The following RIMS2 variants were observed in gnomAD, a reference collection of about 807,000 sequenced individuals.
RIMS2 encodes regulating synaptic membrane exocytosis protein 2.
In RIMS2, 59 loss-of-function variants were observed where a neutral mutation model predicts 174.4. That is an observed-to-expected ratio of 0.34 (90% CI 0.27 to 0.42). The LOEUF is 0.42. RIMS2 is among the 10% of genes least tolerant of loss of function. The pLI is 1.00. For missense variants in RIMS2, 1,620 were observed against 1,666.3 expected (o/e 0.97, Z 0.48); for synonymous variants, 606 against 572.5 (o/e 1.06, Z -0.84).
chr8:103,935,581 A>G (rs2081059004), intron 12 of RIMS2, among the ~76,000 whole-genome samples: 1 of 152,158 alleles, frequency 6.6e-6, no homozygotes, highest in African/African-American at 2.4e-5. Context: ...AATTTGTAGC[A>G]GTTGATACTG....
At chr8:103,947,409 A>T (rs1305666862) in intron 14 of RIMS2, among the ~76,000 whole-genome samples, 1 of 152,224 alleles carries the variant, frequency 6.6e-6, no homozygotes, top group Non-Finnish European at 1.5e-5. Context: ...TGAACATCAT[A>T]GAGTGCACTT....
chr8:103,659,892 G>A (rs886579772), intron 1 of RIMS2, among the ~76,000 whole-genome samples: 1 of 152,224 alleles, frequency 6.6e-6, no homozygotes, highest in Non-Finnish European at 1.5e-5. Context: ...GAGTGCACAC[G>A]GTGTCTGTGG....
At chr8:103,883,883 A>G (rs2154519350) in intron 3 of RIMS2, among the ~76,000 whole-genome samples, 1 of 151,924 alleles carries the variant, frequency 6.6e-6, no homozygotes, top group South Asian at 2.1e-4. Context: ...AGATTTCCAT[A>G]GACTCCTGAC....
intron 1 of RIMS2, among the ~76,000 whole-genome samples, chr8:103,645,646 A>C (rs534796182): frequency 1.8e-4 from 27 of 152,210 alleles, no homozygotes; most frequent in African/African-American, 6.3e-4. Context: ...TGAGAAACCA[A>C]ATTTCAGAGG....
At chr8:103,599,932 A>C (rs34873080) in intron 1 of RIMS2, among the ~76,000 whole-genome samples, 27,695 of 152,108 alleles carry the variant, frequency 0.18, 2,766 homozygotes, top group African/African-American at 0.26. Context: ...AAAAATTTAC[A>C]ATCAAATTAT....
intron 3 of RIMS2, among the ~76,000 whole-genome samples, chr8:103,798,115 T>TA (rs970468555): frequency 2.0e-5 from 3 of 152,168 alleles, no homozygotes; most frequent in African/African-American, 7.2e-5. Flanking sequence ...ACTTTATATA[T>TA]AACAGTTTAT....
At chr8:103,655,716 G>T (rs2096522274) in intron 1 of RIMS2, among the ~76,000 whole-genome samples, 1 of 152,026 alleles carries the variant, frequency 6.6e-6, no homozygotes, top group Admixed American at 6.6e-5. Context: ...AACATGATAT[G>T]TGAGAGTCTT....
chr8:103,735,050 ACAC>A (rs2097667804), intron 2 of RIMS2, among the ~76,000 whole-genome samples: 1 of 152,188 alleles, frequency 6.6e-6, no homozygotes, highest in South Asian at 2.1e-4. Context: ...TAACACTGCT[ACAC>A]CAACCCACAC....
Position 103,501,129 on chromosome 8 carries a change from G to T in RIMS2, c.176+67G>T, listed in dbSNP as rs1290909438. ...CCGCCCCCTCGCCCACTGCCCTGCG[G>T]CCGCCTGCGCGCCCCAGTTCGCCGC... On this transcript the variant is annotated intron_variant, in intron 1 of 23. Coordinates refer to ENST00000504942, the Ensembl canonical transcript of RIMS2. 3 of 1,263,878 alleles carry T rather than the reference G, an allele frequency of 2.4e-6. No homozygotes were observed. The African/African-American group carries it at 4.7e-5, about 20-fold the overall frequency. The allele number at this position is 1,263,878 out of a possible 1,614,324, so 78.3% of individuals were successfully genotyped here. A position where few individuals can be genotyped will look rare whatever the true frequency, so the allele number is the denominator to read the frequency against.
intron 1 of RIMS2, among the ~76,000 whole-genome samples, chr8:103,538,514 A>C (rs1840941086): frequency 1.5e-5 from 2 of 131,170 alleles, no homozygotes; most frequent in Admixed American, 7.9e-5. Context: ...CCCAAAGTCC[A>C]TTGTATCATT....
chr8:103,545,849 C>T (rs1355977508), intron 1 of RIMS2, among the ~76,000 whole-genome samples: 1 of 152,184 alleles, frequency 6.6e-6, no homozygotes, highest in African/African-American at 2.4e-5. Flanking sequence ...TTCATTATCG[C>T]TGGACCTGCC....
intron 19 of RIMS2, among the ~76,000 whole-genome samples, chr8:104,084,070 T>A (rs530936745): frequency 6.6e-6 from 1 of 152,222 alleles, no homozygotes; most frequent in African/African-American, 2.4e-5. Flanking sequence ...TAATTATTAT[T>A]AATAATGTGT....
At chr8:103,567,312 G>A (rs569152442) in intron 1 of RIMS2, among the ~76,000 whole-genome samples, 4 of 151,934 alleles carry the variant, frequency 2.6e-5, no homozygotes, top group South Asian at 2.1e-4. Flanking sequence ...AAACACTCAC[G>A]CCCCATTATT....
At chr8:103,760,700 G>T (rs533659175) in intron 2 of RIMS2, among the ~76,000 whole-genome samples, 1 of 152,246 alleles carries the variant, frequency 6.6e-6, no homozygotes, top group South Asian at 2.1e-4. Flanking sequence ...TGGTGGGACT[G>T]CATTCCTTTT....
At chr8:103,590,376 A>G (rs754225984) in intron 1 of RIMS2, among the ~76,000 whole-genome samples, 9 of 151,398 alleles carry the variant, frequency 5.9e-5, no homozygotes, top group Non-Finnish European at 1.3e-4. Flanking sequence ...GGCCATATCC[A>G]CGAAGCCCCA....
intron 10 of RIMS2, among the ~76,000 whole-genome samples, chr8:103,924,164 T>C (rs2078269168): frequency 6.6e-6 from 1 of 151,604 alleles, no homozygotes; most frequent in Admixed American, 6.6e-5. Flanking sequence ...AATTACAATA[T>C]AAAAGGCAAA....
chr8:103,758,215 C>T (rs573587439), intron 2 of RIMS2, among the ~76,000 whole-genome samples: 1 of 152,186 alleles, frequency 6.6e-6, no homozygotes, highest in Admixed American at 6.5e-5. Flanking sequence ...TTACTTCTTC[C>T]TTATTAATAA....
chr8:104,110,308 A>T (rs2098157530), intron 19 of RIMS2, among the ~76,000 whole-genome samples: 1 of 152,180 alleles, frequency 6.6e-6, no homozygotes, highest in Non-Finnish European at 1.5e-5. Context: ...TTGAAGACAT[A>T]AACTGTGACA....
At chr8:103,512,160 T>C (rs554222004) in intron 1 of RIMS2, among the ~76,000 whole-genome samples, 1 of 152,180 alleles carries the variant, frequency 6.6e-6, no homozygotes, top group Non-Finnish European at 1.5e-5. Context: ...CTGGCAACCA[T>C]GCACTGTAGC....
Sources: allele counts gnomAD v4.1 joint callset (sites outside exome capture counted in the v4.1 genomes callset), GRCh38; gene constraint gnomAD v4.1.1; transcripts MANE v1.5; gene names NCBI Gene and HGNC (gene_info 2026-07-23, HGNC 2026-07-21).